The following ADARB2 variants were observed in gnomAD, a reference collection of about 807,000 sequenced individuals.
ADARB2 encodes inactive double-stranded RNA-specific editase B2.
In ADARB2, 25 loss-of-function variants were observed where a neutral mutation model predicts 62.2. That is an observed-to-expected ratio of 0.40 (90% confidence interval 0.29 to 0.56). ADARB2 has a LOEUF of 0.56. ADARB2 is among the 20% of genes least tolerant of loss of function. The probability of loss-of-function intolerance (pLI) is 0.43; values close to 1 mark genes in which losing one functional copy is unlikely to be tolerated. For missense variants in ADARB2, 1,071 were observed against 1,077.4 expected (o/e 0.99, Z 0.08); for synonymous variants, 572 against 500.8 (o/e 1.14, Z -1.90).
chr10:1,706,539 G>T lies in ADARB2; in HGVS notation c.100+30512C>A, dbSNP rs372018552. ...TCTTCTCAAGGCAACAAATCCAAAT[G>T]GTGTTCCAGGAGAGTATTTTCGGTA... On this transcript the variant is annotated intron_variant, in intron 1 of 9. Coordinates refer to ENST00000381312, the MANE Select transcript of ADARB2 (RefSeq NM_018702.4). Among the ~76,000 whole-genome samples the T allele has an allele frequency of 2.0e-4, 30 of 152,276 alleles. 1 individual carries two copies. In the South Asian group the frequency reaches 6.2e-3, roughly 32 times the overall value.
Position 1,242,160 on chromosome 10 carries a change from G to A in ADARB2, c.1332C>T (p.Phe444=). The change falls in exon 5 of 10, where the codon TTC becomes TTT. Residue 444 remains phenylalanine, a synonymous_variant. Coordinates refer to ENST00000381312, the MANE Select transcript of ADARB2 (RefSeq NM_018702.4). ...EVVARRAFLH[F]LYTQLELHLS... ...GGTGCAGCTCCAGCTGCGTGTAGAGGAAGTGCAGGAACGCCCGCCGGGCCA... is the reference window on the plus strand; with the variant it reads ...GGTGCAGCTCCAGCTGCGTGTAGAGAAAGTGCAGGAACGCCCGCCGGGCCA... 3.1e-6 allele frequency: 5 copies of A among 1,610,094 alleles called. No individual in the cohort carries two copies. The highest frequency in any genetic ancestry group is 4.2e-6 in the Non-Finnish European group (5 of 1,179,570).
At chr10:1,292,375 T>C (rs1192788808) in intron 3 of ADARB2, 1 of 152,256 alleles carries the variant, frequency 6.6e-6, no homozygotes, top group Non-Finnish European at 1.5e-5. Context: ...TTAGTAATTG[T>C]CACTCTACTG....
chr10:1,304,262 T>C (rs1831604736), intron 3 of ADARB2, among the ~76,000 whole-genome samples: 1 of 151,622 alleles, frequency 6.6e-6, no homozygotes, highest in Non-Finnish European at 1.5e-5. Context: ...CCAACAAAGA[T>C]CAAAAGAGAC....
At chr10:1,551,915 T>A (rs949274203) in intron 1 of ADARB2, among the ~76,000 whole-genome samples, 10 of 152,222 alleles carry the variant, frequency 6.6e-5, no homozygotes, top group Non-Finnish European at 1.5e-4. Context: ...GACTGGCCTT[T>A]ATACTGCAGA....
intron 2 of ADARB2, among the ~76,000 whole-genome samples, chr10:1,373,651 C>G (rs1832393969): frequency 6.6e-6 from 1 of 152,212 alleles, no homozygotes. Context: ...GAGCAGAAAG[C>G]AGGATGGCAT....
intron 1 of ADARB2, among the ~76,000 whole-genome samples, chr10:1,600,233 G>A (rs4880885): frequency 5.9e-5 from 9 of 152,190 alleles, no homozygotes; most frequent in African/African-American, 2.2e-4. Context: ...TTAGGTGTTT[G>A]CCTGGGATGG....
intron 4 of ADARB2, among the ~76,000 whole-genome samples, chr10:1,269,044 C>T (rs1831234263): frequency 6.6e-6 from 1 of 152,172 alleles, no homozygotes; most frequent in African/African-American, 2.4e-5. Context: ...TGACTTATGC[C>T]TCTGGGGCTG....
chr10:1,646,121 A>G (rs988020368), intron 1 of ADARB2, among the ~76,000 whole-genome samples: 9 of 152,176 alleles, frequency 5.9e-5, no homozygotes, highest in Non-Finnish European at 8.8e-5. Context: ...CAAGGTGCAC[A>G]CAGGTGAGTT....
intron 6 of ADARB2, among the ~76,000 whole-genome samples, chr10:1,220,612 A>C (rs1357281582): frequency 6.6e-6 from 1 of 151,754 alleles, no homozygotes; most frequent in East Asian, 1.9e-4. Flanking sequence ...TAGGGACTTT[A>C]CTCTTTCATT....
At chr10:1,339,902 A>G (rs1040201596) in intron 3 of ADARB2, among the ~76,000 whole-genome samples, 1 of 152,124 alleles carries the variant, frequency 6.6e-6, no homozygotes, top group African/African-American at 2.4e-5. Context: ...CTACTCTCAC[A>G]GCAGCACTCC....
At chr10:1,340,275 G>A (rs2494219) in intron 3 of ADARB2, among the ~76,000 whole-genome samples, 467 of 48,514 alleles carry the variant, frequency 9.6e-3, no homozygotes, top group African/African-American at 0.014. Context: ...GGCAATAACC[G>A]GCATCCACCA....
intron 3 of ADARB2, among the ~76,000 whole-genome samples, chr10:1,334,456 C>G (rs1564260486): frequency 6.6e-6 from 1 of 152,162 alleles, no homozygotes; most frequent in Non-Finnish European, 1.5e-5. Flanking sequence ...CACGTGGGTG[C>G]ACACACATGT....
chr10:1,504,376 T>A (rs773871637), intron 1 of ADARB2, among the ~76,000 whole-genome samples: 1 of 152,236 alleles, frequency 6.6e-6, no homozygotes, highest in Non-Finnish European at 1.5e-5. Context: ...CCCCTTACTT[T>A]TTCCCCTCTT....
chr10:1,699,028 T>C (rs1255259842), intron 1 of ADARB2, among the ~76,000 whole-genome samples: 1 of 152,238 alleles, frequency 6.6e-6, no homozygotes, highest in South Asian at 2.1e-4. Flanking sequence ...CCCGAAGTGC[T>C]GGGATTACAG....
chr10:1,334,682 T>G (rs1022922220), intron 3 of ADARB2, among the ~76,000 whole-genome samples: 2 of 152,260 alleles, frequency 1.3e-5, no homozygotes, highest in Non-Finnish European at 2.9e-5. Flanking sequence ...CAAATAAAGT[T>G]TCTTCAAGAA....
intron 4 of ADARB2, among the ~76,000 whole-genome samples, chr10:1,249,842 C>A (rs961660866): frequency 6.6e-6 from 1 of 151,974 alleles, no homozygotes; most frequent in African/African-American, 2.4e-5. Context: ...AGTTGACATA[C>A]TGCTAGAAAC....
intron 1 of ADARB2, among the ~76,000 whole-genome samples, chr10:1,429,609 A>G (rs534866596): frequency 3.9e-5 from 6 of 152,314 alleles, no homozygotes; most frequent in African/African-American, 1.4e-4. Flanking sequence ...AGTCTCTGTG[A>G]GCTCTAGGCC....
At chr10:1,453,253 C>A (rs1398397953) in intron 1 of ADARB2, among the ~76,000 whole-genome samples, 1 of 152,166 alleles carries the variant, frequency 6.6e-6, no homozygotes, top group Non-Finnish European at 1.5e-5. Context: ...CCCTTTGATG[C>A]TCAAGACATT....
chr10:1,659,704 G>A (rs1834220221), intron 1 of ADARB2, among the ~76,000 whole-genome samples: 1 of 152,256 alleles, frequency 6.6e-6, no homozygotes, highest in African/African-American at 2.4e-5. Flanking sequence ...CCCCATCTGG[G>A]CAACCCATCA....
Sources: gnomAD v4.1 joint callset for allele counts (sites outside exome capture counted in the v4.1 genomes callset) on GRCh38, gnomAD v4.1.1 for gene constraint, MANE v1.5 for transcripts, NCBI Gene and HGNC (gene_info 2026-07-23, HGNC 2026-07-21) for gene names.